The following SLC6A19 variants were observed in gnomAD, a reference collection of about 807,000 sequenced individuals.
The protein encoded by SLC6A19 is solute carrier family 6 member 19, also known as sodium-dependent neutral amino acid transporter B(0)AT1.
In SLC6A19, 67 loss-of-function variants were observed where a neutral mutation model predicts 68.3. The ratio of observed to expected loss-of-function variants is 0.98; its 90% CI spans 0.81 to 1.20. SLC6A19 has a LOEUF of 1.20. SLC6A19 is among the 50% of genes most tolerant of loss of function. The pLI is 0.00. For missense variants in SLC6A19, 813 were observed against 851.6 expected (o/e 0.95, Z 0.56); for synonymous variants, 392 against 374.9 (o/e 1.05, Z -0.53).
At chr5:1,208,632 G>A (rs1258303981) in intron 1 of SLC6A19, 114 bp from the exon 2 acceptor site, 1 of 1,439,384 alleles carries the variant, frequency 6.9e-7, no homozygotes, top group Non-Finnish European at 9.7e-7. Flanking sequence ...CTGTTCCCAA[G>A]TGGTGGGCCG....
At chr5:1,201,969 A>G in intron 1 of SLC6A19, 117 bp downstream of exon 1, 1 of 1,345,908 alleles carries the variant, frequency 7.4e-7, no homozygotes, top group Non-Finnish European at 1.0e-6. Context: ...CGGAGGGGAG[A>G]GGAGAAGCCG....
At chr5:1,218,426 A>G (rs1487615465) in intron 8 of SLC6A19, among the ~76,000 whole-genome samples, 1 of 152,168 alleles carries the variant, frequency 6.6e-6, no homozygotes, top group Non-Finnish European at 1.5e-5. Context: ...CTGGGACCAG[A>G]CACAGGAGCA....
chr5:1,211,876 G>A (rs549049285), intron 3 of SLC6A19, among the ~76,000 whole-genome samples: 18 of 149,916 alleles, frequency 1.2e-4, no homozygotes, highest in African/African-American at 4.2e-4. Context: ...ATGTGCACGC[G>A]AGAGTACAGT....
intron 1 of SLC6A19, among the ~76,000 whole-genome samples, chr5:1,207,157 C>A (rs1179505198): frequency 6.6e-6 from 1 of 152,224 alleles, no homozygotes; most frequent in East Asian, 1.9e-4. Flanking sequence ...TTCCCTGACC[C>A]TCGTCCTTCT....
intron 1 of SLC6A19, 122 bp from the exon 2 acceptor site, chr5:1,208,624 G>C: frequency 1.5e-6 from 2 of 1,369,170 alleles, no homozygotes; most frequent in South Asian, 1.2e-5. Flanking sequence ...TCTCAGCTCT[G>C]TTCCCAAGTG....
In SLC6A19 at chr5:1,209,667, T is replaced by C. The variant is rs4533934; in HGVS notation, c.344-777T>C. Among the ~76,000 whole-genome samples, 1,345 of 145,772 alleles carry C rather than the reference T, an allele frequency of 9.2e-3. 18 individuals are homozygous for C. Among genetic ancestry groups the C allele is most frequent in the African/African-American group, 0.032 (1,282 of 39,480 alleles). ...TCTCTTTCCCCTCCTATTCTCTCCC[T>C]TCCCCCCTCTCTCTCATCCTCCTCC... On this transcript the variant is annotated intron_variant, in intron 2 of 11. Coordinates refer to ENST00000304460, the MANE Select transcript of SLC6A19 (RefSeq NM_001003841.3). This position sits in a 1 kb window ranked among gnomAD's most constrained non-coding sequence, Gnocchi z 5.5.
At chr5:1,220,409 CA>C (rs70957336) in intron 10 of SLC6A19, among the ~76,000 whole-genome samples, 19,495 of 105,444 alleles carry the variant, frequency 0.18, 1,354 homozygotes, top group Middle Eastern at 0.3. Flanking sequence ...GGCTCCATCT[CA>C]AAAAAAAAAA....
intron 6 of SLC6A19, 21 bp from the exon 7 acceptor site, chr5:1,216,537 T>C (rs1326081290): frequency 6.2e-7 from 1 of 1,613,860 alleles, no homozygotes; most frequent in Non-Finnish European, 8.5e-7. Flanking sequence ...CCAGCCGCCA[T>C]GACACTGGTC....
rs756830423 is a variant in SLC6A19 at position 1,212,423 on chromosome 5, T to C, written c.602T>C (p.Leu201Pro). The C allele has an allele frequency of 5.6e-6, 9 of 1,612,238 alleles. No homozygotes were observed. The South Asian group carries it at 9.9e-5, about 18-fold the overall frequency. Reference protein sequence around the residue: ...GSIQWWMLLCLACAWSVLYMC... With the variant: ...GSIQWWMLLCPACAWSVLYMC... ...ATCCAGTGGTGGATGCTGCTGTGCC[T>C]GGCCTGCGCATGGAGCGTCCTGTAC... is the stretch of plus-strand genomic sequence containing the variant. The change falls in exon 4 of 12, where the codon CTG (leucine) becomes CCG (proline). Residue 201 changes from leucine to proline, a missense_variant. Coordinates refer to ENST00000304460, the MANE Select transcript of SLC6A19 (RefSeq NM_001003841.3). This position sits in a 1 kb window ranked among gnomAD's most constrained non-coding sequence, Gnocchi z 5.1.
chr5:1,213,642 C>T, intron 5 of SLC6A19, 69 bp downstream of exon 5: 2 of 1,439,282 alleles, frequency 1.4e-6, no homozygotes, highest in Admixed American at 1.8e-5. Context: ...CCCCGCCAGC[C>T]TCAATACCAG....
Position 1,222,300 on chromosome 5 carries a change from G to A in SLC6A19, c.*396G>A. The stretch of plus-strand genomic sequence containing the variant: ...TGTGCATGTATATATAGACATACAT[G>A]CCTATGTTGTGTGTGGTGTGCATAT... On this transcript the variant is annotated 3_prime_UTR_variant, in exon 12 of 12. Coordinates refer to ENST00000304460, the MANE Select transcript of SLC6A19 (RefSeq NM_001003841.3). 1.8e-6 allele frequency: 1 copy of A among 545,574 alleles called. No homozygotes were observed. Among genetic ancestry groups the A allele is most frequent in the Non-Finnish European group, 3.2e-6 (1 of 310,404 alleles). The allele number at this position is 545,574 out of a possible 1,614,324, so 33.8% of individuals were successfully genotyped here. A position where few individuals can be genotyped will look rare whatever the true frequency, so the allele number is the denominator to read the frequency against.
At position 1,212,431 on chromosome 5, in the gene SLC6A19, G is replaced by T. The variant is rs377603594; in HGVS notation, c.610G>T (p.Ala204Ser). ...QWWMLLCLAC[A>S]WSVLYMCTIR... ...GTGGATGCTGCTGTGCCTGGCCTGC[G>T]CATGGAGCGTCCTGTACATGTGCAC... Residue 204 changes from alanine (A) to serine (S), a missense_variant, in exon 4 of 12, where the codon GCA becomes TCA. By Grantham distance (99) the Ala-to-Ser change is moderately conservative. Transcript: ENST00000304460. This position sits in a 1 kb window ranked among gnomAD's most constrained non-coding sequence, Gnocchi z 5.1. The T allele has an allele frequency of 3.7e-6, 6 of 1,611,768 alleles. No homozygotes were observed. The highest frequency in any genetic ancestry group is 3.3e-5 in the Admixed American group (2 of 60,010).
rs765531719 is a variant in SLC6A19, at chr5:1,213,567, G to T, written c.768G>T (p.Thr256=). The change falls in exon 5 of 12, where the codon ACG becomes ACT. Residue 256 remains threonine, a synonymous_variant. Coordinates refer to ENST00000304460, the MANE Select transcript of SLC6A19 (RefSeq NM_001003841.3). ...GATNGIVFLF[T]PNVTELAQPD... is the part of the protein sequence containing the mutation. ...CCAATGGCATCGTCTTCCTCTTCACGCCCAACGTAAGTCCCCGAGGCTGCC... is the reference window on the plus strand; with the variant it reads ...CCAATGGCATCGTCTTCCTCTTCACTCCCAACGTAAGTCCCCGAGGCTGCC... 1.9e-6 allele frequency: 3 copies of T among 1,611,484 alleles called. No individual in the cohort carries two copies. The highest frequency in any genetic ancestry group is 2.2e-5 in the South Asian group (2 of 90,940).
chr5:1,210,267 T>A (rs1745987536), intron 2 of SLC6A19, among the ~76,000 whole-genome samples, 177 bp from the exon 3 acceptor site: 1 of 152,226 alleles, frequency 6.6e-6, no homozygotes, highest in Middle Eastern at 3.2e-3. Flanking sequence ...GTGTACAGGC[T>A]GCACCACGGC....
chr5:1,203,220 C>A (rs1478566066), intron 1 of SLC6A19, among the ~76,000 whole-genome samples: 2 of 152,154 alleles, frequency 1.3e-5, no homozygotes, highest in African/African-American at 4.8e-5. Flanking sequence ...AGTTATTTGT[C>A]TTTGCACAGA....
In SLC6A19 at chr5:1,224,464, C is replaced by T. The variant is rs950931526; in HGVS notation, c.*2560C>T. The T allele has an allele frequency of 3.9e-5, 6 of 152,348 alleles. No individual in the cohort carries two copies. Among genetic ancestry groups the T allele is most frequent in the African/African-American group, 1.2e-4 (5 of 41,474 alleles). The allele number at this position is 152,348 out of a possible 1,614,324, so 9.4% of individuals were successfully genotyped here. A position where few individuals can be genotyped will look rare whatever the true frequency, so the allele number is the denominator to read the frequency against. On this transcript the variant is annotated 3_prime_UTR_variant, in exon 12 of 12. Coordinates refer to ENST00000304460, the MANE Select transcript of SLC6A19 (RefSeq NM_001003841.3). ...AGACGGGATGGTGGGGACGGCAGGT[C>T]CAGCTCCTGCCTCCTCCTGGGGGGT...
intron 1 of SLC6A19, among the ~76,000 whole-genome samples, chr5:1,202,691 G>A (rs1416074185): frequency 4.7e-5 from 2 of 42,596 alleles, no homozygotes; most frequent in East Asian, 6.5e-4. Flanking sequence ...GCAGTTCACG[G>A]GGGGGCCGTG....
chr5:1,207,116 C>T (rs1305368762), intron 1 of SLC6A19, among the ~76,000 whole-genome samples: 9 of 152,214 alleles, frequency 5.9e-5, no homozygotes, highest in South Asian at 2.1e-4. Context: ...CCTCGGAAGC[C>T]GGGCGCCACG....
In SLC6A19 at chr5:1,219,574, C is replaced by A; in HGVS notation, c.1448C>A (p.Ser483Tyr). The change falls in exon 10 of 12, where the codon TCC becomes TAC. Residue 483 changes from serine (S) to tyrosine (Y), a missense_variant. Coordinates refer to ENST00000304460, the MANE Select transcript of SLC6A19 (RefSeq NM_001003841.3). ...FTLNSGQYWL[S>Y]LLDSYAGSIP... Reference sequence around the variant, plus strand: ...CTGAACTCCGGCCAGTACTGGCTCTCCCTGCTGGACAGCTATGCCGGCTCC... The same window carrying A: ...CTGAACTCCGGCCAGTACTGGCTCTACCTGCTGGACAGCTATGCCGGCTCC... The A allele has an allele frequency of 6.2e-7, 1 of 1,612,112 alleles. No individual in the cohort carries two copies.
Sources: gnomAD v4.1 joint callset for allele counts (sites outside exome capture counted in the v4.1 genomes callset) on GRCh38, gnomAD v4.1.1 for gene constraint, Gnocchi (gnomAD v3.1) non-coding constraint, MANE v1.5 for transcripts, NCBI Gene and HGNC (gene_info 2026-07-23, HGNC 2026-07-21) for gene names.